The following CIC variants were observed in gnomAD, a reference collection of about 807,000 sequenced individuals.
The protein encoded by CIC is protein capicua homolog.
In CIC, 18 loss-of-function variants were observed where a neutral mutation model predicts 115.7. That is an observed-to-expected ratio of 0.16 (90% CI 0.11 to 0.23). CIC has a LOEUF of 0.23. CIC is among the 10% of genes least tolerant of loss of function. The pLI is 1.00. For synonymous variants in CIC, 1,076 were observed against 923.0 expected (o/e 1.17, Z -3.01); for missense variants, 2,000 against 2,159.3 (o/e 0.93, Z 1.46).
rs917194002 is a variant in CIC at position 42,295,101 on chromosome 19, A to C, written c.7464A>C (p.Pro2488=). The change falls in exon 21 of 21, where the codon CCA becomes CCC. Residue 2488 remains proline, a synonymous_variant. Transcript: ENST00000681038. ...CTGCCCCGCCACTGCCTCCACCCCC[A>C]GAGTCGGGGCCTGGACAGCCTGGCT... ...AQAAPPLPPP[P]ESGPGQPGWE... is the part of the protein sequence containing the mutation. 35 of 1,523,312 alleles carry C rather than the reference A, an allele frequency of 2.3e-5. No individual in the cohort carries two copies. Among genetic ancestry groups the C allele is most frequent in the African/African-American group, 8.4e-5 (6 of 71,702 alleles). 94.4% of individuals were successfully genotyped at this position (1,523,312 alleles called of 1,614,324 possible). A position where few individuals can be genotyped will look rare whatever the true frequency, so the allele number is the denominator to read the frequency against.
At chr19:42,278,830 T>A in intron 2 of CIC, among the ~76,000 whole-genome samples, 1 of 152,166 alleles carries the variant, frequency 6.6e-6, no homozygotes, top group South Asian at 2.1e-4. Flanking sequence ...CCTACTACTG[T>A]CCCTGAAATC....
intron 2 of CIC, among the ~76,000 whole-genome samples, chr19:42,279,783 A>G (rs1474360345): frequency 1.3e-5 from 2 of 152,206 alleles, no homozygotes; most frequent in African/African-American, 4.8e-5. Flanking sequence ...ACCGCCCTGG[A>G]AAGGCAGGAG....
At chr19:42,289,813 G>T (rs1431038071) in intron 9 of CIC, 35 bp from the exon 10 acceptor site, 4 of 1,515,170 alleles carry the variant, frequency 2.6e-6, no homozygotes, top group East Asian at 4.8e-5. Flanking sequence ...CCTGCATCTA[G>T]CCCCCTCCCC....
At position 42,287,281 on chromosome 19, in the gene CIC, A is replaced by G. The variant is rs2147186847; in HGVS notation, c.3180-39A>G. On this transcript the variant is annotated intron_variant, in intron 4 of 20. Transcript: ENST00000681038. This position sits in a 1 kb window ranked among gnomAD's most constrained non-coding sequence, Gnocchi z 8.7. ...CCTGGGACTTGGGGGTGGGATGGCC[A>G]GAGACATGGCCCTCACTGTCCCTGC... 1 of 1,614,070 alleles carries G rather than the reference A, an allele frequency of 6.2e-7. No individual in the cohort carries two copies. The highest frequency in any genetic ancestry group is 1.1e-5 in the South Asian group (1 of 91,076).
In CIC at chr19:42,295,596, T is replaced by TG; in HGVS notation, c.*410dup. The TG allele has an allele frequency of 4.1e-6, 1 of 243,978 alleles. No homozygotes were observed. The highest frequency in any genetic ancestry group is 8.0e-6 in the Non-Finnish European group (1 of 125,042). 15.1% of individuals were successfully genotyped at this position (243,978 alleles called of 1,614,324 possible). A position where few individuals can be genotyped will look rare whatever the true frequency, so the allele number is the denominator to read the frequency against. On this transcript the variant is annotated 3_prime_UTR_variant, in exon 21 of 21. Transcript: ENST00000681038. ...GGCTGGACTCAGGTTAGTTTGGGGG[T>TG]GGGGGCTCCTGCACTTTGCCACAGG...
intron 1 of CIC, among the ~76,000 whole-genome samples, chr19:42,269,770 G>C (rs2036701309): frequency 6.6e-6 from 1 of 150,554 alleles, no homozygotes; most frequent in Non-Finnish European, 1.5e-5. Flanking sequence ...GGGGTGACAG[G>C]AGGGGGCCTA....
In CIC at chr19:42,295,150, C is replaced by CCCCCACCCCCAGGTCCCTCCA; in HGVS notation, c.7515_7535dup (p.Pro2506_Thr2512dup). 1.4e-6 allele frequency: 2 copies of CCCCCACCCCCAGGTCCCTCCA among 1,446,298 alleles called. No individual in the cohort carries two copies. Among genetic ancestry groups the CCCCCACCCCCAGGTCCCTCCA allele is most frequent in the Non-Finnish European group, 1.8e-6 (2 of 1,098,158 alleles). The allele number at this position is 1,446,298 out of a possible 1,614,324, so 89.6% of individuals were successfully genotyped here. ...CTGGGAGGGGGCTCCCCAGCCCTCCCCCCCACCCCCAGGTCCCTCCACAGC... is the reference window on the plus strand; with the variant it reads ...CTGGGAGGGGGCTCCCCAGCCCTCCCCCCCACCCCCAGGTCCCTCCACCCCACCCCCAGGTCCCTCCACAGC... On this transcript the variant is annotated inframe_insertion, in exon 21 of 21. Transcript: ENST00000681038.
Position 42,272,922 on chromosome 19 carries a change from A to C in CIC, c.1139A>C (p.Glu380Ala). Residue 380 changes from glutamate (E) to alanine (A), a missense_variant, in exon 2 of 21, where the codon GAG (glutamate) becomes GCG (alanine). Glu to Ala is a moderately radical substitution (Grantham distance 107). Around this residue, in one of 8 missense-constraint regions of CIC, gnomAD observed 222 missense variants for 247.7 expected, o/e 0.90. Transcript: ENST00000681038. ...CPAALDPKQPEDAEVSKISFG... is the reference protein window; with the variant it reads ...CPAALDPKQPADAEVSKISFG... ...GCTGCCCTGGACCCCAAACAGCCCG[A>C]GGATGCTGAGGTCTCTAAGATCAGC... 2.5e-6 allele frequency: 1 copy of C among 399,192 alleles called. No individual in the cohort carries two copies. The highest frequency in any genetic ancestry group is 3.6e-5 in the East Asian group (1 of 28,070). 24.7% of individuals were successfully genotyped at this position (399,192 alleles called of 1,614,324 possible).
intron 12 of CIC, 120 bp downstream of exon 12, chr19:42,291,865 T>C (rs2038142529): frequency 7.3e-7 from 1 of 1,372,904 alleles, no homozygotes; most frequent in African/African-American, 1.4e-5. Context: ...CTTGCCATCT[T>C]CCGTGATGTC....
chr19:42,289,506 C>T (rs373956823), intron 9 of CIC, 100 bp downstream of exon 9: 2 of 1,328,848 alleles, frequency 1.5e-6, no homozygotes, highest in Admixed American at 2.0e-5. Flanking sequence ...CCTTTGTTTT[C>T]TTTTCCACTT....
Position 42,292,118 on chromosome 19 carries a change from A to T in CIC, c.5646A>T (p.Thr1882=), listed in dbSNP as rs758386904. The T allele has an allele frequency of 6.8e-6, 11 of 1,613,702 alleles. No homozygotes were observed. Among genetic ancestry groups the T allele is most frequent in the Non-Finnish European group, 9.3e-6 (11 of 1,179,994 alleles). Residue 1882 remains threonine (T), a synonymous_variant, in exon 13 of 21, where the codon ACA becomes ACT. Coordinates refer to ENST00000681038, the MANE Select transcript of CIC (RefSeq NM_001386298.1). ...AGCTGACCCCGGTGCCTGTGAGCAC[A>T]CCCAGCGGCCTGGTGCCGCCCCTGA... ...IIQLTPVPVS[T]PSGLVPPLSP...
intron 2 of CIC, 110 bp from the exon 3 acceptor site, chr19:42,286,661 G>C (rs1599888851): frequency 2.2e-6 from 3 of 1,392,660 alleles, no homozygotes; most frequent in African/African-American, 1.4e-5. Context: ...TGTTGGGGGT[G>C]GGGGGTAGAC....
Position 42,293,778 on chromosome 19 carries a change from G to T in CIC, c.6709G>T (p.Gly2237Cys), listed in dbSNP as rs2038324726. 4 of 1,612,818 alleles carry T rather than the reference G, an allele frequency of 2.5e-6. No homozygotes were observed. Among genetic ancestry groups the T allele is most frequent in the Non-Finnish European group, 3.4e-6 (4 of 1,179,784 alleles). ...TPERKEAAGT[G>C]KKVKVRPPPL... ...GGAGCGCAAGGAGGCGGCTGGTACT[G>T]GCAAGAAGGTGAAGGTGCGGCCCCC... is the stretch of plus-strand genomic sequence containing the variant. Residue 2237 changes from glycine to cysteine, a missense_variant, in exon 17 of 21, where the codon GGC (glycine) becomes TGC (cysteine). Transcript: ENST00000681038.
intron 2 of CIC, among the ~76,000 whole-genome samples, chr19:42,285,346 T>G (rs1307995190): frequency 1.3e-5 from 2 of 152,058 alleles, no homozygotes; most frequent in Admixed American, 1.3e-4. Flanking sequence ...ATGGGAAAGA[T>G]CTTTGCAAAG....
chr19:42,293,533 G>T, intron 16 of CIC, 59 bp from the exon 17 acceptor site: 1 of 1,611,560 alleles, frequency 6.2e-7, no homozygotes. Flanking sequence ...TTTGTTTCTG[G>T]CCTTTGCCCC....
chr19:42,290,174 GGCT>G, intron 10 of CIC, 56 bp from the exon 11 acceptor site: 6 of 1,609,540 alleles, frequency 3.7e-6, no homozygotes, highest in Non-Finnish European at 5.1e-6. Context: ...ATGGCTAGGG[GGCT>G]GCTATCGAGG....
chr19:42,284,413 C>T (rs2037451622), intron 2 of CIC: 2 of 145,242 alleles, frequency 1.4e-5, no homozygotes, highest in Admixed American at 6.8e-5. Flanking sequence ...GCCCCCGTGC[C>T]GCGCGCCCCG....
Position 42,295,288 on chromosome 19 carries a change from T to G in CIC, c.*97T>G. 1 of 1,130,234 alleles carries G rather than the reference T, an allele frequency of 8.8e-7. No homozygotes were observed. Among genetic ancestry groups the G allele is most frequent in the South Asian group, 1.4e-5 (1 of 71,330 alleles). 70.0% of individuals were successfully genotyped at this position (1,130,234 alleles called of 1,614,324 possible). A position where few individuals can be genotyped will look rare whatever the true frequency, so the allele number is the denominator to read the frequency against. On this transcript the variant is annotated 3_prime_UTR_variant, in exon 21 of 21. Coordinates refer to ENST00000681038, the MANE Select transcript of CIC (RefSeq NM_001386298.1). ...TTATCTCCTCCCGGGTAAAGCCATT[T>G]CGTCCTCTCCAGTTTGGGGCGGAAT...
chr19:42,293,472 C>A, intron 16 of CIC, 120 bp from the exon 17 acceptor site: 3 of 1,533,936 alleles, frequency 2.0e-6, no homozygotes, highest in Non-Finnish European at 2.7e-6. Context: ...CTTCCTGAGG[C>A]CGTGTGACAG....
Sources: allele counts gnomAD v4.1 joint callset (sites outside exome capture counted in the v4.1 genomes callset), GRCh38; gene constraint gnomAD v4.1.1; regional missense constraint gnomAD v4.1.1; non-coding constraint Gnocchi (gnomAD v3.1); transcripts MANE v1.5; gene names NCBI Gene and HGNC (gene_info 2026-07-23, HGNC 2026-07-21).